TMEM45B: variants seen among roughly 807,000 people sequenced by gnomAD.
TMEM45B encodes transmembrane protein 45B.
A neutral mutation model predicts 27.3 loss-of-function variants in TMEM45B; 29 were observed. The ratio of observed to expected loss-of-function variants is 1.06; its 90% CI spans 0.79 to 1.45. TMEM45B has a LOEUF of 1.45. Among genes scored for constraint, TMEM45B ranks in the 40% most tolerant of loss-of-function variants. The pLI, the probability that TMEM45B is intolerant of heterozygous loss-of-function variation, is 0.00. For synonymous variants in TMEM45B, 143 were observed against 134.7 expected (o/e 1.06, Z -0.43); for missense variants, 348 against 343.9 (o/e 1.01, Z -0.09).
rs75660822 is a variant in TMEM45B, at chr11:129,849,850, T to A, written c.-8-2625T>A. Among the ~76,000 whole-genome samples the A allele has an allele frequency of 3.3e-3, 510 of 152,276 alleles. 2 individuals carry two copies. Among genetic ancestry groups the A allele is most frequent in the Middle Eastern group, 0.014 (4 of 294 alleles). On this transcript the variant is annotated intron_variant, in intron 1 of 5. Transcript: ENST00000281441. The stretch of plus-strand genomic sequence containing the variant: ...CTGTTCTGCCGCAAGGCTCTAACCC[T>A]CTGGGCCTCTAATGAGCAAGGCAGC...
At chr11:129,816,671 A>G (rs951064568) in intron 1 of TMEM45B, among the ~76,000 whole-genome samples, 1 of 151,864 alleles carries the variant, frequency 6.6e-6, no homozygotes, top group African/African-American at 2.4e-5. Flanking sequence ...TTTAAGAAAT[A>G]GAAACCCTTT....
At chr11:129,857,527 C>T (rs1947947999) in intron 5 of TMEM45B, 69 bp downstream of exon 5, 26 of 1,574,604 alleles carry the variant, frequency 1.7e-5, no homozygotes, top group Non-Finnish European at 2.3e-5. Flanking sequence ...TAACTTGCAC[C>T]ATCTGATGAG....
Position 129,852,604 on chromosome 11 carries a change from A to T in TMEM45B, c.122A>T (p.Tyr41Phe). ...SHTRKNSPLHYYQRLEIVEAA... is the reference protein window; with the variant it reads ...SHTRKNSPLHFYQRLEIVEAA... ...ACGCGGAAGAACAGCCCACTACATT[A>T]CTATCAGCGTCTCGAGATCGTCGAA... is the stretch of plus-strand genomic sequence containing the variant. Residue 41 changes from tyrosine to phenylalanine, a missense_variant, in exon 2 of 6, where the codon TAC becomes TTC. Physicochemically the swap from Tyr to Phe is conservative, Grantham distance 22 (BLOSUM62 3). Transcript: ENST00000281441. 1 of 1,612,990 alleles carries T rather than the reference A, an allele frequency of 6.2e-7. No individual in the cohort carries two copies. Among genetic ancestry groups the T allele is most frequent in the South Asian group, 1.1e-5 (1 of 91,060 alleles).
At chr11:129,823,748 T>A (rs1249601207) in intron 1 of TMEM45B, among the ~76,000 whole-genome samples, 7 of 152,178 alleles carry the variant, frequency 4.6e-5, no homozygotes, top group African/African-American at 1.7e-4. Flanking sequence ...TTTCCTGGAT[T>A]GAAAACTCCC....
Position 129,858,766 on chromosome 11 carries a change from T to C in TMEM45B, c.*81T>C, listed in dbSNP as rs1443688513. 2.9e-6 allele frequency: 3 copies of C among 1,041,276 alleles called. No homozygotes were observed. 64.5% of individuals were successfully genotyped at this position (1,041,276 alleles called of 1,614,324 possible). Reference sequence around the variant, plus strand: ...ATCCCCTCCACCTGAATGCCTGCTGTGGTCTGATCTTAAGGGTCTATATAT... The same window carrying C: ...ATCCCCTCCACCTGAATGCCTGCTGCGGTCTGATCTTAAGGGTCTATATAT... On this transcript the variant is annotated 3_prime_UTR_variant, in exon 6 of 6. Transcript: ENST00000281441.
Position 129,855,705 on chromosome 11 carries a change from C to T in TMEM45B, c.386-3C>T, listed in dbSNP as rs780431156. On this transcript the variant is annotated splice_polypyrimidine_tract_variant and splice_region_variant and intron_variant, in intron 3 of 5. Transcript: ENST00000281441. ...CTGACAGCTGCCATCTGGTTTGTGG[C>T]AGGTTTCCTCTTCTACTACCACGTC... The T allele has an allele frequency of 2.4e-5, 39 of 1,613,660 alleles. 1 individual carries two copies. The South Asian group carries it at 4.3e-4, about 18-fold the overall frequency.
intron 1 of TMEM45B, among the ~76,000 whole-genome samples, chr11:129,845,539 G>GA (rs1274607375): frequency 2.0e-5 from 3 of 151,858 alleles, no homozygotes; most frequent in Non-Finnish European, 2.9e-5. Context: ...CTTAAAATAT[G>GA]AAAAAAGTAA....
At chr11:129,856,426 G>C (rs1229092260) in intron 4 of TMEM45B, among the ~76,000 whole-genome samples, 1 of 151,356 alleles carries the variant, frequency 6.6e-6, no homozygotes, top group Non-Finnish European at 1.5e-5. Flanking sequence ...GGCCAGGCTG[G>C]TCTCGAACTC....
intron 1 of TMEM45B, among the ~76,000 whole-genome samples, chr11:129,846,753 C>T (rs1947765722): frequency 6.6e-6 from 1 of 152,198 alleles, no homozygotes; most frequent in South Asian, 2.1e-4. Context: ...GGGCAGGCCT[C>T]TATTGTACAT....
rs34320792 is a variant in TMEM45B at position 129,856,857 on chromosome 11, CTT to C, written c.571-442_571-441del. 4.0e-3 allele frequency among the ~76,000 whole-genome samples: 515 copies of C among 129,704 alleles called. 4 individuals carry two copies. Among genetic ancestry groups the C allele is most frequent in the African/African-American group, 0.015 (469 of 31,844 alleles). 85.1% of individuals were successfully genotyped at this position (129,704 alleles called of 152,430 possible). ...TACAGGCATGAGCCACCGCGCCCGG[CTT>C]TTTTTTTTTTTTTAAGACAGTCTCG... On this transcript the variant is annotated intron_variant, in intron 4 of 5. Coordinates refer to ENST00000281441, the MANE Select transcript of TMEM45B (RefSeq NM_138788.5).
intron 1 of TMEM45B, among the ~76,000 whole-genome samples, chr11:129,839,922 G>A (rs1349366591): frequency 2.0e-5 from 3 of 152,152 alleles, no homozygotes; most frequent in Admixed American, 2.0e-4. Flanking sequence ...CACCAGTTGT[G>A]TATATTAGGA....
At chr11:129,830,362 A>C (rs1947533768) in intron 1 of TMEM45B, among the ~76,000 whole-genome samples, 1 of 152,220 alleles carries the variant, frequency 6.6e-6, no homozygotes. Context: ...AGACACATAA[A>C]TATAAGAGCT....
At chr11:129,837,585 C>CCTTTTTTTTTTTTTTTTTTTTTTTTTT (rs1947636610) in intron 1 of TMEM45B, among the ~76,000 whole-genome samples, 1 of 80,294 alleles carries the variant, frequency 1.2e-5, no homozygotes, top group African/African-American at 4.3e-5. Flanking sequence ...CTGCACTGGG[C>CCTTTTTTTTTTTTTTTTTTTTTTTTTT]TTTTTTTTTT....
In TMEM45B at chr11:129,858,647, T is replaced by C. The variant is rs747299549; in HGVS notation, c.790T>C (p.Tyr264His). 1.3e-6 allele frequency: 2 copies of C among 1,575,904 alleles called. No homozygotes were observed. The highest frequency in any genetic ancestry group is 1.2e-5 in the South Asian group (1 of 85,850). The stretch of plus-strand genomic sequence containing the variant: ...TCAGAAGCTGAATTCAGATGACACT[T>C]ACCAGACCGCCCTCTTGAGTGGCTC... ...GIQKLNSDDTYQTALLSGSDE... is the reference protein window; with the variant it reads ...GIQKLNSDDTHQTALLSGSDE... Residue 264 changes from tyrosine to histidine, a missense_variant, in exon 6 of 6, where the codon TAC becomes CAC. Transcript: ENST00000281441.
At chr11:129,822,770 A>T (rs1947433904) in intron 1 of TMEM45B, among the ~76,000 whole-genome samples, 1 of 151,980 alleles carries the variant, frequency 6.6e-6, no homozygotes, top group African/African-American at 2.4e-5. Flanking sequence ...AAACTCTTTG[A>T]CTACATGTAC....
chr11:129,841,399 A>G (rs1039692377), intron 1 of TMEM45B, among the ~76,000 whole-genome samples: 1 of 152,094 alleles, frequency 6.6e-6, no homozygotes, highest in Non-Finnish European at 1.5e-5. Context: ...TGGAAATGAG[A>G]ATCAGAGAAG....
At chr11:129,857,197 G>C in intron 4 of TMEM45B, 116 bp from the exon 5 acceptor site, 1 of 1,241,580 alleles carries the variant, frequency 8.1e-7, no homozygotes. Context: ...CTAACGAAGT[G>C]TGGGAACTAT....
chr11:129,816,639 T>A (rs889392809), intron 1 of TMEM45B, among the ~76,000 whole-genome samples: 1 of 151,900 alleles, frequency 6.6e-6, no homozygotes, highest in Non-Finnish European at 1.5e-5. Flanking sequence ...AGATGTGAGT[T>A]TCAGCCAGGG....
chr11:129,816,121 G>C (rs1408938118), intron 1 of TMEM45B, among the ~76,000 whole-genome samples: 1 of 152,170 alleles, frequency 6.6e-6, no homozygotes, highest in Non-Finnish European at 1.5e-5. Context: ...AGCCCAGCTG[G>C]GGCCCCCTCC....
Sources: gnomAD v4.1 joint callset for allele counts (sites outside exome capture counted in the v4.1 genomes callset) on GRCh38, gnomAD v4.1.1 for gene constraint, MANE v1.5 for transcripts, NCBI Gene and HGNC (gene_info 2026-07-23, HGNC 2026-07-21) for gene names.